The following TMEM178A variants were observed in gnomAD, a reference collection of about 807,000 sequenced individuals.
TMEM178A encodes the protein transmembrane protein 178.
Under a neutral mutation model 29.1 loss-of-function variants are expected in TMEM178A, and 12 were observed. The ratio of observed to expected loss-of-function variants is 0.41; its 90% CI spans 0.26 to 0.67. The LOEUF (loss-of-function observed/expected upper bound fraction) is 0.67, where lower values mean the gene tolerates loss of function less well. TMEM178A is among the 30% of genes least tolerant of loss of function. The probability of loss-of-function intolerance (pLI) is 0.29; values close to 1 mark genes in which losing one functional copy is unlikely to be tolerated. For synonymous variants in TMEM178A, 210 were observed against 187.2 expected (o/e 1.12, Z -0.99); for missense variants, 366 against 419.1 (o/e 0.87, Z 1.11).
chr2:39,712,919 A>C (rs1031117264), intron 3 of TMEM178A, among the ~76,000 whole-genome samples: 1 of 152,238 alleles, frequency 6.6e-6, no homozygotes, highest in Admixed American at 6.5e-5. Flanking sequence ...GCATTATCAG[A>C]AATAACTTGC....
chr2:39,721,467 T>C (rs1333204946), downstream of TMEM178A, among the ~76,000 whole-genome samples: 1 of 152,176 alleles, frequency 6.6e-6, no homozygotes, highest in East Asian at 1.9e-4. Flanking sequence ...TGCCTGCTAC[T>C]ATAAGGTCTG....
intron 1 of TMEM178A, among the ~76,000 whole-genome samples, chr2:39,685,235 A>C (rs1278042755): frequency 6.6e-6 from 1 of 152,036 alleles, no homozygotes; most frequent in African/African-American, 2.4e-5. Flanking sequence ...TACTCTCCAC[A>C]GCCCAGGCCT....
At chr2:39,690,788 T>C (rs1671281504) in intron 1 of TMEM178A, among the ~76,000 whole-genome samples, 1 of 152,190 alleles carries the variant, frequency 6.6e-6, no homozygotes, top group Non-Finnish European at 1.5e-5. Flanking sequence ...TTCAAAATAG[T>C]TGTCTTAAAG....
chr2:39,685,174 A>G (rs1393433112), intron 1 of TMEM178A, among the ~76,000 whole-genome samples: 4 of 152,034 alleles, frequency 2.6e-5, no homozygotes, highest in African/African-American at 4.8e-5. Context: ...CATTCCCTCC[A>G]TGGTCTAGCC....
intron 1 of TMEM178A, among the ~76,000 whole-genome samples, chr2:39,682,791 A>G (rs1322236732): frequency 6.6e-6 from 1 of 152,258 alleles, no homozygotes; most frequent in African/African-American, 2.4e-5. Context: ...GCAGGGCAAG[A>G]ATTACATAGC....
chr2:39,717,781 G>GT lies in TMEM178A; in HGVS notation c.*543dup, dbSNP rs34580359. On this transcript the variant is annotated 3_prime_UTR_variant, in exon 4 of 4. Coordinates refer to ENST00000281961, the MANE Select transcript of TMEM178A (RefSeq NM_152390.3). ...AAGATTCTTCTTCTGTTGCCTTATTGTTTTTTTTTTTTTAAGTCTCTTCTC... is the reference window on the plus strand; with the variant it reads ...AAGATTCTTCTTCTGTTGCCTTATTGTTTTTTTTTTTTTTAAGTCTCTTCTC... 4,044 of 140,516 alleles carry GT rather than the reference G, an allele frequency of 0.029. 164 individuals are homozygous for GT. The highest frequency in any genetic ancestry group is 0.092 in the African/African-American group (3,518 of 38,398). 8.7% of individuals were successfully genotyped at this position (140,516 alleles called of 1,614,324 possible).
rs78427459 is a variant in TMEM178A at position 39,671,220 on chromosome 2, T to C, written c.400+4846T>C. 7.3e-3 allele frequency among the ~76,000 whole-genome samples: 1,109 copies of C among 152,344 alleles called. 3 individuals carry two copies. The highest frequency in any genetic ancestry group is 0.011 in the Non-Finnish European group (723 of 68,020). ...AGATTTGGTAGGAATTCATTGGGTC[T>C]GCTTTTCACTCTGCTCATGATTTAT... On this transcript the variant is annotated intron_variant, in intron 1 of 3. Coordinates refer to ENST00000281961, the MANE Select transcript of TMEM178A (RefSeq NM_152390.3).
At chr2:39,693,699 T>C (rs1386556390) in intron 1 of TMEM178A, among the ~76,000 whole-genome samples, 3 of 152,166 alleles carry the variant, frequency 2.0e-5, no homozygotes, top group Non-Finnish European at 4.4e-5. Flanking sequence ...ATCTTCTCTT[T>C]AGTCTTGAGT....
intron 1 of TMEM178A, among the ~76,000 whole-genome samples, chr2:39,681,128 G>A (rs1028398673): frequency 1.1e-4 from 17 of 151,994 alleles, no homozygotes; most frequent in African/African-American, 3.1e-4. Flanking sequence ...CAATTTCCTC[G>A]TTTATACTGA....
At chr2:39,685,045 C>G (rs987611776) in intron 1 of TMEM178A, among the ~76,000 whole-genome samples, 1 of 152,216 alleles carries the variant, frequency 6.6e-6, no homozygotes, top group African/African-American at 2.4e-5. Context: ...GCAAGGGCCA[C>G]AGTAAAATGT....
At chr2:39,704,454 T>C (rs1020446308) in intron 2 of TMEM178A, among the ~76,000 whole-genome samples, 3 of 152,204 alleles carry the variant, frequency 2.0e-5, no homozygotes, top group South Asian at 2.1e-4. Flanking sequence ...AGCTGCCTAC[T>C]GAATCTTTTG....
chr2:39,731,472 CAA>C, the TMEM178A span, among the ~76,000 whole-genome samples: 1 of 152,126 alleles, frequency 6.6e-6, no homozygotes, highest in South Asian at 2.1e-4. Context: ...TGGGTAGGTA[CAA>C]AGAGAGCAAG....
chr2:39,728,046 A>G, the TMEM178A span, among the ~76,000 whole-genome samples: 24 of 152,334 alleles, frequency 1.6e-4, no homozygotes, highest in Non-Finnish European at 3.1e-4. Context: ...TCTTTATAGT[A>G]GCATGATTTA....
At chr2:39,733,398 T>C in the TMEM178A span, among the ~76,000 whole-genome samples, 15 of 152,160 alleles carry the variant, frequency 9.9e-5, no homozygotes, top group Admixed American at 3.3e-4. Flanking sequence ...AGGATGCCAA[T>C]GGAATGAGTT....
At position 39,666,380 on chromosome 2, in the gene TMEM178A, C is replaced by T. The variant is rs1670159064; in HGVS notation, c.400+6C>T. The T allele has an allele frequency of 3.7e-6, 5 of 1,363,124 alleles. No individual in the cohort carries two copies. Among genetic ancestry groups the T allele is most frequent in the East Asian group, 6.7e-5 (2 of 29,918 alleles). 84.4% of individuals were successfully genotyped at this position (1,363,124 alleles called of 1,614,324 possible). On this transcript the variant is annotated splice_donor_region_variant and intron_variant, in intron 1 of 3. Transcript: ENST00000281961. ...CGACACCCTCATCCTGAAAGGTGAG[C>T]GGCGGGCGCACCCCGCGTCCCCGGC...
chr2:39,707,104 C>T lies in TMEM178A; in HGVS notation c.570C>T (p.Cys190=), dbSNP rs141065930. 415 of 1,614,140 alleles carry T rather than the reference C, an allele frequency of 2.6e-4. 3 individuals are homozygous for T. The African/African-American group carries it at 3.5e-3, about 14-fold the overall frequency. ...GCATGGCCGTAGCCGTCCTTCTCTG[C>T]GGCTGCATTGTGGCCACAGTCAGTT... ...FLGMAVAVLL[C]GCIVATVSFF... The change falls in exon 3 of 4, where the codon TGC becomes TGT. Residue 190 remains cysteine, a synonymous_variant. Coordinates refer to ENST00000281961, the MANE Select transcript of TMEM178A (RefSeq NM_152390.3).
At position 39,666,324 on chromosome 2, in the gene TMEM178A, A is replaced by T. The variant is rs1237307024; in HGVS notation, c.350A>T (p.Lys117Met). 1 of 1,452,000 alleles carries T rather than the reference A, an allele frequency of 6.9e-7. No individual in the cohort carries two copies. Among genetic ancestry groups the T allele is most frequent in the Non-Finnish European group, 9.1e-7 (1 of 1,102,304 alleles). The allele number at this position is 1,452,000 out of a possible 1,614,324, so 89.9% of individuals were successfully genotyped here. A position where few individuals can be genotyped will look rare whatever the true frequency, so the allele number is the denominator to read the frequency against. Residue 117 changes from lysine to methionine, a missense_variant, in exon 1 of 4, where the codon AAG becomes ATG. By Grantham distance (95) the Lys-to-Met change is moderately conservative (BLOSUM62 -1). Coordinates refer to ENST00000281961, the MANE Select transcript of TMEM178A (RefSeq NM_152390.3). Reference sequence around the variant, plus strand: ...GCCACCTACTCGGGCCTCTGGAGGAAGTGCTACTTCCTGGGCATCGACCGG... The same window carrying T: ...GCCACCTACTCGGGCCTCTGGAGGATGTGCTACTTCCTGGGCATCGACCGG... ...LFATYSGLWR[K>M]CYFLGIDRDI...
the TMEM178A span, among the ~76,000 whole-genome samples, chr2:39,729,919 C>T: frequency 6.6e-6 from 1 of 152,042 alleles, no homozygotes; most frequent in Non-Finnish European, 1.5e-5. Context: ...ACAGTGCATC[C>T]TTGGATTACC....
intron 1 of TMEM178A, among the ~76,000 whole-genome samples, chr2:39,677,634 G>C (rs1387916534): frequency 1.3e-5 from 2 of 152,118 alleles, no homozygotes; most frequent in Non-Finnish European, 1.5e-5. Context: ...TTGTTCAGCA[G>C]TATATGTTTC....
Sources: allele counts gnomAD v4.1 joint callset (sites outside exome capture counted in the v4.1 genomes callset), GRCh38; gene constraint gnomAD v4.1.1; transcripts MANE v1.5; gene names NCBI Gene and HGNC (gene_info 2026-07-23, HGNC 2026-07-21).